The following ARID4B variants were observed in gnomAD, a reference collection of about 807,000 sequenced individuals.
ARID4B encodes the protein AT-rich interactive domain-containing protein 4B.
Under a neutral mutation model 147.5 loss-of-function variants are expected in ARID4B, and 26 were observed. That is an observed-to-expected ratio of 0.18 (90% CI 0.13 to 0.24). The LOEUF (loss-of-function observed/expected upper bound fraction) is 0.24, where lower values mean the gene tolerates loss of function less well. Among genes scored for constraint, ARID4B ranks in the 10% least tolerant of loss-of-function variants. The pLI, the probability that ARID4B is intolerant of heterozygous loss-of-function variation, is 1.00. For missense variants in ARID4B, 1,179 were observed against 1,511.5 expected, an observed-to-expected ratio of 0.78 and a Z score of 3.65; for synonymous variants, 512 against 507.9, an observed-to-expected ratio of 1.01 and a Z score of -0.11.
intron 2 of ARID4B, among the ~76,000 whole-genome samples, chr1:235,304,379 A>G (rs1294227712): frequency 6.7e-6 from 1 of 149,324 alleles, no homozygotes; most frequent in Non-Finnish European, 1.5e-5. Flanking sequence ...AAATGACAAC[A>G]TTAACTTCAA....
At chr1:235,260,175 T>TTAA (rs1187779263) in intron 3 of ARID4B, among the ~76,000 whole-genome samples, 1 of 152,202 alleles carries the variant, frequency 6.6e-6, no homozygotes, top group East Asian at 1.9e-4. Context: ...TGTACCTTAT[T>TTAA]TCACTGTTAT....
At position 235,177,820 on chromosome 1, in the gene ARID4B, T is replaced by A; in HGVS notation, c.3428A>T (p.Asn1143Ile). The A allele has an allele frequency of 6.2e-7, 1 of 1,609,812 alleles. No individual in the cohort carries two copies. Among genetic ancestry groups the A allele is most frequent in the Non-Finnish European group, 8.5e-7 (1 of 1,178,052 alleles). ...CTTACTGCCTTTTCCCTTCTTTTTGTTGTTTACCACTGTTGCTTTATGGCT... is the reference window on the plus strand; with the variant it reads ...CTTACTGCCTTTTCCCTTCTTTTTGATGTTTACCACTGTTGCTTTATGGCT... ...KRSHKATVVN[N>I]KKKGKGTNSS... The change falls in exon 21 of 24, where the codon AAC becomes ATC. Residue 1143 changes from asparagine to isoleucine, a missense_variant. This residue lies in a region of ARID4B where 357 missense variants were observed against 427.3 expected (regional missense o/e 0.84). Transcript: ENST00000264183.
At chr1:235,294,452 TCCCGC>T (rs1220056509) in intron 2 of ARID4B, among the ~76,000 whole-genome samples, 1 of 92,322 alleles carries the variant, frequency 1.1e-5, no homozygotes, top group African/African-American at 4.2e-5. Context: ...CAAGCAATTC[TCCCGC>T]TTGAACCCAG....
chr1:235,189,541 G>T (rs1202385610), intron 19 of ARID4B, among the ~76,000 whole-genome samples: 1 of 151,800 alleles, frequency 6.6e-6, no homozygotes, highest in African/African-American at 2.4e-5. Flanking sequence ...GAAATTAAAA[G>T]GTGAGCATAT....
intron 6 of ARID4B, among the ~76,000 whole-genome samples, chr1:235,251,942 G>T (rs1211629220): frequency 6.6e-6 from 1 of 152,122 alleles, no homozygotes; most frequent in African/African-American, 2.4e-5. Flanking sequence ...AGAAAGTGCT[G>T]GTTAGAAAAC....
At chr1:235,243,477 T>C (rs1253763445) in intron 7 of ARID4B, among the ~76,000 whole-genome samples, 1 of 152,176 alleles carries the variant, frequency 6.6e-6, no homozygotes. Flanking sequence ...AACAAAATAA[T>C]GCGCTGTCTC....
chr1:235,205,669 T>C (rs1382762718), intron 17 of ARID4B, among the ~76,000 whole-genome samples: 2 of 152,124 alleles, frequency 1.3e-5, no homozygotes, highest in African/African-American at 4.8e-5. Flanking sequence ...AGAACTATAA[T>C]TCAACAACAA....
intron 2 of ARID4B, 144 bp downstream of exon 2, chr1:235,326,768 GTC>G: frequency 1.0e-6 from 1 of 980,652 alleles, no homozygotes; most frequent in South Asian, 1.4e-5. Flanking sequence ...GCTGACCCCG[GTC>G]TCTCTGGGGA....
chr1:235,196,602 T>C (rs902032982), intron 17 of ARID4B, among the ~76,000 whole-genome samples: 4 of 152,080 alleles, frequency 2.6e-5, no homozygotes, highest in African/African-American at 7.2e-5. Context: ...CCAGTAATCC[T>C]AGCACTTTTG....
intron 2 of ARID4B, among the ~76,000 whole-genome samples, chr1:235,286,060 G>GTTTTGTTTTGTTTTT (rs145854651): frequency 3.3e-4 from 50 of 151,374 alleles, no homozygotes; most frequent in African/African-American, 1.1e-3. Context: ...GTTTTGTTTT[G>GTTTTGTTTTGTTTTT]TTTTGAGATA....
At chr1:235,302,131 G>T (rs1382507403) in intron 2 of ARID4B, among the ~76,000 whole-genome samples, 1 of 121,016 alleles carries the variant, frequency 8.3e-6, no homozygotes, top group African/African-American at 3.3e-5. Flanking sequence ...ACTGTGCCTG[G>T]CTGACTCTGT....
intron 7 of ARID4B, among the ~76,000 whole-genome samples, chr1:235,243,682 G>C (rs1370611743): frequency 1.3e-5 from 2 of 152,090 alleles, no homozygotes; most frequent in African/African-American, 4.8e-5. Flanking sequence ...AATTGAGCTA[G>C]AAACAAGAGG....
At chr1:235,314,407 C>T (rs977274535) in intron 2 of ARID4B, among the ~76,000 whole-genome samples, 1 of 152,134 alleles carries the variant, frequency 6.6e-6, no homozygotes, top group Non-Finnish European at 1.5e-5. Flanking sequence ...AAAATTGAAA[C>T]TGATGTTTAC....
chr1:235,278,180 A>G (rs892801165), intron 2 of ARID4B, among the ~76,000 whole-genome samples: 1 of 152,200 alleles, frequency 6.6e-6, no homozygotes, highest in Admixed American at 6.5e-5. Flanking sequence ...CATTCAATAG[A>G]ATAGTTTATA....
chr1:235,296,852 G>GGAA (rs1233105201), intron 2 of ARID4B, among the ~76,000 whole-genome samples: 23 of 14,058 alleles, frequency 1.6e-3, no homozygotes, highest in South Asian at 5.7e-3. Context: ...GAAGGAGGGA[G>GGAA]GGAAGGAAGG....
At chr1:235,184,800 A>G (rs1386956061) in intron 19 of ARID4B, among the ~76,000 whole-genome samples, 2 of 152,120 alleles carry the variant, frequency 1.3e-5, no homozygotes, top group Non-Finnish European at 2.9e-5. Context: ...TACTATTCAT[A>G]ATATACTATT....
chr1:235,314,790 G>A (rs906640604), intron 2 of ARID4B, among the ~76,000 whole-genome samples: 2 of 151,718 alleles, frequency 1.3e-5, no homozygotes, highest in African/African-American at 2.4e-5. Context: ...TTATAAATAC[G>A]TATTTATATA....
Position 235,168,406 on chromosome 1 carries a change from A to G in ARID4B, c.*119T>C. On this transcript the variant is annotated 3_prime_UTR_variant, in exon 24 of 24. Coordinates refer to ENST00000264183, the MANE Select transcript of ARID4B (RefSeq NM_016374.6). ...TTAAGTGCCAAGTCAGCTTGTCAAG[A>G]AACAATTTTTAAATATAAAATAGTG... is the stretch of plus-strand genomic sequence containing the variant. 8.2e-7 allele frequency: 1 copy of G among 1,219,454 alleles called. No individual in the cohort carries two copies. The highest frequency in any genetic ancestry group is 2.2e-5 in the South Asian group (1 of 44,944). The allele number at this position is 1,219,454 out of a possible 1,614,324, so 75.5% of individuals were successfully genotyped here.
chr1:235,276,702 A>C (rs1334612101), intron 2 of ARID4B, among the ~76,000 whole-genome samples: 1 of 152,074 alleles, frequency 6.6e-6, no homozygotes, highest in Non-Finnish European at 1.5e-5. Flanking sequence ...TATTTCTCTT[A>C]AAAAAGAGAT....
Sources: gnomAD v4.1 joint callset for allele counts (sites outside exome capture counted in the v4.1 genomes callset) on GRCh38, gnomAD v4.1.1 for gene constraint, gnomAD v4.1.1 regional missense constraint, MANE v1.5 for transcripts, NCBI Gene and HGNC (gene_info 2026-07-23, HGNC 2026-07-21) for gene names.